The following STAB2 variants were observed in gnomAD, a reference collection of about 807,000 sequenced individuals.
STAB2 encodes stabilin-2.
In STAB2, 288 loss-of-function variants were observed where a neutral mutation model predicts 338.1. The observed-to-expected ratio is 0.85, with a 90% CI of 0.77 to 0.94. The LOEUF is 0.94. STAB2 is among the 40% of genes least tolerant of loss of function. STAB2 has a pLI of 0.00. For synonymous variants in STAB2, 1,202 were observed against 1,193.3 expected, an observed-to-expected ratio of 1.01 and a Z score of -0.15; for missense variants, 3,141 against 3,210.1, an observed-to-expected ratio of 0.98 and a Z score of 0.52.
intron 60 of STAB2, 145 bp downstream of exon 60, chr12:103,750,865 T>G: frequency 8.7e-7 from 1 of 1,148,258 alleles, no homozygotes; most frequent in Non-Finnish European, 1.2e-6. Flanking sequence ...CCAAGGCAGA[T>G]GGATCACTTG....
intron 23 of STAB2, among the ~76,000 whole-genome samples, chr12:103,675,204 T>C (rs1876223411): frequency 6.6e-6 from 1 of 152,216 alleles, no homozygotes; most frequent in African/African-American, 2.4e-5. Context: ...CCCCAGCATC[T>C]ATCATAGGCC....
chr12:103,649,686 CT>C lies in STAB2; in HGVS notation c.1175-809del, dbSNP rs1313383199. Among the ~76,000 whole-genome samples, 25 of 152,328 alleles carry C rather than the reference CT, an allele frequency of 1.6e-4. No homozygotes were observed. In the South Asian group the frequency reaches 2.9e-3, roughly 18 times the overall value. On this transcript the variant is annotated intron_variant, in intron 10 of 68. Coordinates refer to ENST00000388887, the MANE Select transcript of STAB2 (RefSeq NM_017564.10). ...TAAGGTTAAATATCCCATTTAATGT[CT>C]CCTGCATAAACATCCCATTTTTCCC...
At chr12:103,655,154 A>C in intron 13 of STAB2, 97 bp from the exon 14 acceptor site, 2 of 1,152,904 alleles carry the variant, frequency 1.7e-6, no homozygotes, top group Non-Finnish European at 2.5e-6. Context: ...CCATACTGAC[A>C]CATAAACTCT....
At chr12:103,720,479 G>A (rs1278306012) in intron 44 of STAB2, among the ~76,000 whole-genome samples, 2 of 152,174 alleles carry the variant, frequency 1.3e-5, no homozygotes, top group Non-Finnish European at 2.9e-5. Context: ...GCCCAGTGTT[G>A]ACGGTACTCC....
chr12:103,738,029 A>C (rs1421586423), intron 53 of STAB2, among the ~76,000 whole-genome samples: 1 of 152,138 alleles, frequency 6.6e-6, no homozygotes, highest in Non-Finnish European at 1.5e-5. Context: ...CTCCCTTATC[A>C]TTGAGAAAAC....
chr12:103,743,941 C>T (rs990482891), intron 56 of STAB2, among the ~76,000 whole-genome samples: 13 of 152,078 alleles, frequency 8.5e-5, no homozygotes, highest in African/African-American at 2.7e-4. Context: ...GACAGGAGGC[C>T]AGCAAAGGGT....
At chr12:103,605,471 A>G (rs1957013677) in intron 3 of STAB2, among the ~76,000 whole-genome samples, 1 of 151,952 alleles carries the variant, frequency 6.6e-6, no homozygotes, top group East Asian at 1.9e-4. Context: ...TCTATACTTA[A>G]TAATTGTTTA....
At chr12:103,755,534 G>A (rs1884036050) in intron 62 of STAB2, 67 bp downstream of exon 62, 4 of 1,608,698 alleles carry the variant, frequency 2.5e-6, no homozygotes, top group East Asian at 2.2e-5. Flanking sequence ...AGCCTGGCCA[G>A]TCACTCCCCA....
chr12:103,660,680 C>A lies in STAB2; in HGVS notation c.1789-3C>A. The A allele has an allele frequency of 6.2e-7, 1 of 1,614,086 alleles. No homozygotes were observed. Among genetic ancestry groups the A allele is most frequent in the African/African-American group, 1.3e-5 (1 of 75,026 alleles). On this transcript the variant is annotated splice_polypyrimidine_tract_variant and splice_region_variant and intron_variant, in intron 16 of 68. Transcript: ENST00000388887. ...TCTGCCTTTTGTTCTCTTCTTATTGCAGCTTGAAGTGGCCACTCTCATCTC... is the reference window on the plus strand; with the variant it reads ...TCTGCCTTTTGTTCTCTTCTTATTGAAGCTTGAAGTGGCCACTCTCATCTC...
At chr12:103,650,102 C>T (rs371525289) in intron 10 of STAB2, among the ~76,000 whole-genome samples, 48 of 152,216 alleles carry the variant, frequency 3.2e-4, no homozygotes, top group African/African-American at 1.1e-3. Context: ...AACCAATCAT[C>T]GGGGCTCTTC....
chr12:103,706,806 T>C lies in STAB2; in HGVS notation c.4011T>C (p.Cys1337=), dbSNP rs755755156. ...TTCTGTTTCAGACGAGAGAATGCTGTGCCGGCTTCTTTGGCCCCCAATGCC... is the reference window on the plus strand; with the variant it reads ...TTCTGTTTCAGACGAGAGAATGCTGCGCCGGCTTCTTTGGCCCCCAATGCC... ...CVRTVITREC[C]AGFFGPQCQP... is the part of the protein sequence containing the mutation. Residue 1337 remains cysteine, a synonymous_variant, in exon 38 of 69, where the codon TGT becomes TGC. Coordinates refer to ENST00000388887, the MANE Select transcript of STAB2 (RefSeq NM_017564.10). 2.2e-5 allele frequency: 36 copies of C among 1,614,150 alleles called. No individual in the cohort carries two copies. Among genetic ancestry groups the C allele is most frequent in the Middle Eastern group, 1.6e-4 (1 of 6,084 alleles).
intron 54 of STAB2, 104 bp downstream of exon 54, chr12:103,739,572 T>TGTGTGTGTGCGC (rs373686630): frequency 1.8e-4 from 129 of 735,782 alleles, no homozygotes; most frequent in African/African-American, 1.5e-3. Flanking sequence ...TGTGTGTGTG[T>TGTGTGTGTGCGC]GCCCGTGCAC....
At chr12:103,615,446 A>G (rs1266617163) in intron 3 of STAB2, among the ~76,000 whole-genome samples, 1 of 152,216 alleles carries the variant, frequency 6.6e-6, no homozygotes, top group Non-Finnish European at 1.5e-5. Context: ...TCACCCACAG[A>G]GGAAGCCTGC....
At chr12:103,589,648 G>A (rs1332231043) in intron 1 of STAB2, among the ~76,000 whole-genome samples, 1 of 152,242 alleles carries the variant, frequency 6.6e-6, no homozygotes, top group Non-Finnish European at 1.5e-5. Flanking sequence ...CACAGGAAGA[G>A]TAGAAGTTGA....
rs761115957 is a variant in STAB2, at chr12:103,648,716, G to T, written c.1067G>T (p.Gly356Val). ...TECICQKGYVGDGLTCYGNIM... is the reference protein window; with the variant it reads ...TECICQKGYVVDGLTCYGNIM... ...TGCATTTGCCAGAAAGGTTACGTGGGTGATGGCTTAACGTGTTATGGAAAC... is the reference window on the plus strand; with the variant it reads ...TGCATTTGCCAGAAAGGTTACGTGGTTGATGGCTTAACGTGTTATGGAAAC... The change falls in exon 10 of 69, where the codon GGT becomes GTT. Residue 356 changes from glycine (G) to valine (V), a missense_variant. Gly to Val is a moderately radical substitution (Grantham distance 109). Coordinates refer to ENST00000388887, the MANE Select transcript of STAB2 (RefSeq NM_017564.10). 56 of 1,613,970 alleles carry T rather than the reference G, an allele frequency of 3.5e-5. No individual in the cohort carries two copies. The highest frequency in any genetic ancestry group is 4.5e-5 in the Non-Finnish European group (53 of 1,180,010).
At chr12:103,760,373 G>C (rs1884448638) in intron 65 of STAB2, among the ~76,000 whole-genome samples, 1 of 152,154 alleles carries the variant, frequency 6.6e-6, no homozygotes, top group East Asian at 1.9e-4. Flanking sequence ...CGATCCTCCT[G>C]CCTCAGCCTC....
chr12:103,652,112 T>C (rs1364526791), intron 11 of STAB2, among the ~76,000 whole-genome samples: 1 of 152,248 alleles, frequency 6.6e-6, no homozygotes, highest in Admixed American at 6.5e-5. Context: ...ATTTCAAAAA[T>C]CTTAACTTTT....
chr12:103,599,569 A>G (rs993092147), intron 3 of STAB2, among the ~76,000 whole-genome samples: 3 of 152,254 alleles, frequency 2.0e-5, no homozygotes, highest in African/African-American at 4.8e-5. Context: ...CAGGGCACCC[A>G]GTTCTATTTG....
Position 103,712,552 on chromosome 12 carries a change from T to G in STAB2, c.4411+109T>G, listed in dbSNP as rs930211195. On this transcript the variant is annotated intron_variant, in intron 41 of 68. Coordinates refer to ENST00000388887, the MANE Select transcript of STAB2 (RefSeq NM_017564.10). ...GGCCTCAGCAGCTGGTGCCAACCAC[T>G]GATGGTGAATTGTATGTAATGGGGC... 4 of 807,266 alleles carry G rather than the reference T, an allele frequency of 5.0e-6. No individual in the cohort carries two copies. The African/African-American group carries it at 6.7e-5, about 14-fold the overall frequency. The allele number at this position is 807,266 out of a possible 1,614,324, so 50.0% of individuals were successfully genotyped here.
Sources: gnomAD v4.1 joint callset for allele counts (sites outside exome capture counted in the v4.1 genomes callset) on GRCh38, gnomAD v4.1.1 for gene constraint, MANE v1.5 for transcripts, NCBI Gene and HGNC (gene_info 2026-07-23, HGNC 2026-07-21) for gene names.